ATP8A2: variants seen among roughly 807,000 people sequenced by gnomAD.
ATP8A2 encodes the protein ATPase phospholipid transporting 8A2.
ATP8A2 carries 100 observed loss-of-function variants against 165.6 expected under a neutral mutation model. The observed-to-expected ratio is 0.60, with a 90% CI of 0.51 to 0.71. The LOEUF (loss-of-function observed/expected upper bound fraction) is 0.71, where lower values mean the gene tolerates loss of function less well. Among genes scored for constraint, ATP8A2 ranks in the 30% least tolerant of loss-of-function variants. The pLI, the probability that ATP8A2 is intolerant of heterozygous loss-of-function variation, is 0.00. For missense variants in ATP8A2, 1,227 were observed against 1,479.5 expected (o/e 0.83, Z 2.80); for synonymous variants, 543 against 548.8 (o/e 0.99, Z 0.15).
At chr13:25,938,482 A>G (rs904170237) in intron 33 of ATP8A2, among the ~76,000 whole-genome samples, 1 of 152,244 alleles carries the variant, frequency 6.6e-6, no homozygotes, top group African/African-American at 2.4e-5. Flanking sequence ...CCCATTGCAC[A>G]TATGTAGTAT....
At chr13:25,736,066 A>G (rs2043761961) in intron 25 of ATP8A2, among the ~76,000 whole-genome samples, 1 of 152,222 alleles carries the variant, frequency 6.6e-6, no homozygotes, top group African/African-American at 2.4e-5. Context: ...ATTGCCTACC[A>G]TATTCAGTAC....
At chr13:26,016,657 A>G (rs1412311004) in intron 36 of ATP8A2, among the ~76,000 whole-genome samples, 1 of 152,176 alleles carries the variant, frequency 6.6e-6, no homozygotes, top group Admixed American at 6.5e-5. Flanking sequence ...GTTCCCCCCA[A>G]CCAGGAGAAA....
At chr13:25,386,334 C>T (rs1181439269) in intron 1 of ATP8A2, among the ~76,000 whole-genome samples, 3 of 152,266 alleles carry the variant, frequency 2.0e-5, no homozygotes, top group East Asian at 3.9e-4. Context: ...CTTCGTTAAA[C>T]TTAGAGGAAC....
intron 33 of ATP8A2, among the ~76,000 whole-genome samples, chr13:25,878,322 T>C (rs1423546059): frequency 6.6e-6 from 1 of 152,052 alleles, no homozygotes; most frequent in Non-Finnish European, 1.5e-5. Context: ...TCCACACACA[T>C]TGGCCTCCCA....
chr13:25,539,288 C>T (rs918037323), intron 7 of ATP8A2, among the ~76,000 whole-genome samples: 2 of 151,844 alleles, frequency 1.3e-5, no homozygotes, highest in Non-Finnish European at 2.9e-5. Flanking sequence ...TTTGTAGAGG[C>T]TCATTTTTAA....
At chr13:25,982,640 T>G (rs562383885) in intron 35 of ATP8A2, among the ~76,000 whole-genome samples, 1 of 152,232 alleles carries the variant, frequency 6.6e-6, no homozygotes. Context: ...GTGATTGCAA[T>G]GCAGCCAGCT....
chr13:25,753,785 G>A (rs905526708), intron 25 of ATP8A2, among the ~76,000 whole-genome samples: 6 of 152,206 alleles, frequency 3.9e-5, no homozygotes, highest in Non-Finnish European at 8.8e-5. Flanking sequence ...GCACCCAAAA[G>A]ACAAACACCA....
At chr13:25,477,381 T>G (rs1367882871) in intron 2 of ATP8A2, among the ~76,000 whole-genome samples, 1 of 152,208 alleles carries the variant, frequency 6.6e-6, no homozygotes, top group East Asian at 1.9e-4. Context: ...TGAGACAAAT[T>G]AAAACTCAAC....
chr13:25,540,183 T>C, intron 7 of ATP8A2, 136 bp from the exon 8 acceptor site: 1 of 668,524 alleles, frequency 1.5e-6, no homozygotes, highest in East Asian at 2.7e-5. Context: ...CCATTACTCC[T>C]ACTATCGTGG....
chr13:25,761,791 T>G (rs2044384448), intron 25 of ATP8A2, among the ~76,000 whole-genome samples: 1 of 151,942 alleles, frequency 6.6e-6, no homozygotes, highest in East Asian at 1.9e-4. Flanking sequence ...TAAGCTGGTA[T>G]TTATTAAGCC....
At chr13:25,431,421 T>C (rs749837207) in intron 1 of ATP8A2, among the ~76,000 whole-genome samples, 15 of 152,212 alleles carry the variant, frequency 9.9e-5, no homozygotes, top group Non-Finnish European at 2.1e-4. Context: ...AGTGCTGGGA[T>C]TACAGGCGTG....
At chr13:25,460,244 G>A (rs1225193349) in intron 1 of ATP8A2, among the ~76,000 whole-genome samples, 2 of 152,252 alleles carry the variant, frequency 1.3e-5, no homozygotes, top group Non-Finnish European at 2.9e-5. Context: ...ATATGCTCAG[G>A]ACAGGCAAAC....
Position 25,841,026 on chromosome 13 carries a change from G to C in ATP8A2, c.2956+1402G>C, listed in dbSNP as rs141260639. ...TGACTCTCAGAAGCTTTACAAGATGGTCATTTACTTACCTGCTTCAAAAGG... is the reference window on the plus strand; with the variant it reads ...TGACTCTCAGAAGCTTTACAAGATGCTCATTTACTTACCTGCTTCAAAAGG... On this transcript the variant is annotated intron_variant, in intron 30 of 36. Coordinates refer to ENST00000381655, the MANE Select transcript of ATP8A2 (RefSeq NM_016529.6). Among the ~76,000 whole-genome samples, 279 of 152,318 alleles carry C rather than the reference G, an allele frequency of 1.8e-3. 1 individual carries two copies. The highest frequency in any genetic ancestry group is 6.1e-3 in the African/African-American group (255 of 41,554).
chr13:25,520,610 T>TG (rs200929547), intron 2 of ATP8A2, among the ~76,000 whole-genome samples: 8,888 of 149,414 alleles, frequency 0.059, 362 homozygotes, highest in South Asian at 0.13. Flanking sequence ...TTTTTTGTTT[T>TG]TTTTTTTTGA....
chr13:25,567,089 C>T (rs879702577), intron 16 of ATP8A2: 15 of 273,850 alleles, frequency 5.5e-5, no homozygotes, highest in Non-Finnish European at 1.1e-4. Context: ...CTCTGGGGAC[C>T]CCCTACATGC....
At chr13:25,968,737 A>T in intron 35 of ATP8A2, 58 bp downstream of exon 35, 1 of 1,342,102 alleles carries the variant, frequency 7.5e-7, no homozygotes, top group Non-Finnish European at 1.1e-6. Flanking sequence ...CTTTTCCCTT[A>T]TTCCTTCCTG....
At chr13:25,616,326 C>CTTTTTTTTTTT (rs535891442) in intron 24 of ATP8A2, among the ~76,000 whole-genome samples, 16 of 106,752 alleles carry the variant, frequency 1.5e-4, no homozygotes, top group Admixed American at 2.1e-4. Context: ...TTCTTTCTTT[C>CTTTTTTTTTTT]TTTTTTTTTT....
intron 24 of ATP8A2, among the ~76,000 whole-genome samples, chr13:25,606,778 T>C (rs748950747): frequency 7.9e-5 from 12 of 152,212 alleles, no homozygotes; most frequent in Non-Finnish European, 8.8e-5. Context: ...TTGTAATAGT[T>C]GCTAGTCACA....
intron 25 of ATP8A2, among the ~76,000 whole-genome samples, chr13:25,745,366 G>A (rs188523914): frequency 3.3e-5 from 5 of 152,322 alleles, no homozygotes; most frequent in African/African-American, 9.6e-5. Context: ...TGCCGTGAGC[G>A]TTTGATGTCA....
Sources: allele counts gnomAD v4.1 joint callset (sites outside exome capture counted in the v4.1 genomes callset), GRCh38; gene constraint gnomAD v4.1.1; transcripts MANE v1.5; gene names NCBI Gene and HGNC (gene_info 2026-07-23, HGNC 2026-07-21).